Variants in P2RX5 observed in about 807,000 individuals in gnomAD.
P2RX5 encodes the protein purinergic receptor P2X 5.
P2RX5 carries 46 observed loss-of-function variants against 54.1 expected under a neutral mutation model. The ratio of observed to expected loss-of-function variants is 0.85; its 90% CI spans 0.67 to 1.09. The LOEUF (loss-of-function observed/expected upper bound fraction) is 1.09. Ranked by LOEUF, P2RX5 falls within the 50% of genes least tolerant of loss-of-function variation. The pLI is 0.00. For missense variants in P2RX5, 566 were observed against 549.8 expected (o/e 1.03, Z -0.29); for synonymous variants, 226 against 226.4 (o/e 1.00, Z 0.02).
intron 9 of P2RX5, chr17:3,682,245 G>A (rs760820512): frequency 1.0e-5 from 5 of 492,810 alleles, no homozygotes; most frequent in East Asian, 7.6e-5. Context: ...CCATCCAATC[G>A]TTCCTTCAAC....
chr17:3,699,917 GGAAA>G (rs71362545), upstream of P2RX5, among the ~76,000 whole-genome samples: 959 of 75,304 alleles, frequency 0.013, 34 homozygotes, highest in African/African-American at 0.03. Context: ...AAGGAAGGAA[GGAAA>G]GAAAGAAAGA....
intron 11 of P2RX5, among the ~76,000 whole-genome samples, chr17:3,674,769 A>G (rs1231377781): frequency 1.3e-5 from 2 of 152,200 alleles, no homozygotes; most frequent in Non-Finnish European, 2.9e-5. Context: ...TTAGGCTGCT[A>G]TAACCTTTCA....
chr17:3,679,452 T>C (rs933804583), intron 11 of P2RX5, 138 bp downstream of exon 11: 2 of 749,448 alleles, frequency 2.7e-6, no homozygotes, highest in Admixed American at 2.3e-5. Context: ...CTCTCCCAGT[T>C]CCTAGATGTC....
chr17:3,679,964 C>T lies in P2RX5; in HGVS notation c.1065-180G>A, dbSNP rs186213309. 3.5e-3 allele frequency among the ~76,000 whole-genome samples: 511 copies of T among 147,998 alleles called. 5 individuals are homozygous for T. Among genetic ancestry groups the T allele is most frequent in the Non-Finnish European group, 7.3e-4 (49 of 67,222 alleles). On this transcript the variant is annotated intron_variant, in intron 10 of 11. Transcript: ENST00000225328. The stretch of plus-strand genomic sequence containing the variant: ...CCTCCACCCTGCATCCTCCACCCTG[C>T]TCTCTCCACCCTGAGTCCTCCACCC...
chr17:3,719,234 T>TAAAAAAAAAAAAA, the P2RX5 span, among the ~76,000 whole-genome samples: 7 of 34,786 alleles, frequency 2.0e-4, 1 homozygote, highest in African/African-American at 8.5e-4. Flanking sequence ...AGATTCTTCC[T>TAAAAAAAAAAAAA]CAAAAAAAAA....
chr17:3,720,298 AG>A, the P2RX5 span: 1 of 1,435,652 alleles, frequency 7.0e-7, no homozygotes, highest in Non-Finnish European at 9.8e-7. Flanking sequence ...GAAGCCAGCC[AG>A]GAATTACCTT....
At chr17:3,722,149 A>AGCGAGGGTGAC in the P2RX5 span, among the ~76,000 whole-genome samples, 1 of 150,736 alleles carries the variant, frequency 6.6e-6, no homozygotes, top group Non-Finnish European at 1.5e-5. Context: ...ATTGCACAAC[A>AGCGAGGGTGAC]AGAGCGAAAC....
chr17:3,717,111 T>A, the P2RX5 span: 3 of 292,020 alleles, frequency 1.0e-5, no homozygotes, highest in Non-Finnish European at 2.0e-5. Flanking sequence ...CGGAATCCGG[T>A]CTCAACACAG....
intron 1 of P2RX5, chr17:3,692,060 G>A (rs999839023): frequency 6.7e-5 from 33 of 493,056 alleles, no homozygotes; most frequent in African/African-American, 4.3e-4. Flanking sequence ...AGTGGCTCAC[G>A]CCTATAATCC....
At chr17:3,720,628 C>G in the P2RX5 span, 1 of 364,370 alleles carries the variant, frequency 2.7e-6, no homozygotes, top group Non-Finnish European at 5.0e-6. Flanking sequence ...TTCGCCCAGG[C>G]TGGAGTGAAG....
the P2RX5 span, among the ~76,000 whole-genome samples, chr17:3,716,414 C>T: frequency 6.6e-6 from 1 of 152,088 alleles, no homozygotes; most frequent in African/African-American, 2.4e-5. Context: ...CACAGGTAAC[C>T]GAACATAACA....
In P2RX5 at chr17:3,689,535, A is replaced by T; in HGVS notation, c.710T>A (p.Val237Glu). ...GAAGTCGCTCCCGGCCCAGCGGATC[A>T]CGGAGCCCAGTCGGAAGATGGGGCA... ...HYCPIFRLGSVIRWAGSDFQD... is the reference protein window; with the variant it reads ...HYCPIFRLGSEIRWAGSDFQD... The change falls in exon 7 of 12, where the codon GTG (valine) becomes GAG (glutamate). Residue 237 changes from valine to glutamate, a missense_variant. By Grantham distance (121) the Val-to-Glu change is moderately radical (BLOSUM62 -2). Coordinates refer to ENST00000225328, the MANE Select transcript of P2RX5 (RefSeq NM_002561.4). 6.2e-7 allele frequency: 1 copy of T among 1,614,178 alleles called. No homozygotes were observed. Among genetic ancestry groups the T allele is most frequent in the Non-Finnish European group, 8.5e-7 (1 of 1,180,034 alleles).
At chr17:3,689,971 C>T (rs1289225164) in intron 6 of P2RX5, 99 bp downstream of exon 6, 8 of 1,031,586 alleles carry the variant, frequency 7.8e-6, no homozygotes, top group South Asian at 1.3e-5. Context: ...TGCACACACG[C>T]GCGCACACAC....
chr17:3,702,676 G>A, the P2RX5 span, among the ~76,000 whole-genome samples: 2 of 152,186 alleles, frequency 1.3e-5, no homozygotes, highest in East Asian at 3.9e-4. Flanking sequence ...CAGAACATCA[G>A]AAGGAACAAA....
At chr17:3,683,517 G>A (rs2050343974) in intron 9 of P2RX5, among the ~76,000 whole-genome samples, 1 of 152,218 alleles carries the variant, frequency 6.6e-6, no homozygotes, top group Non-Finnish European at 1.5e-5. Context: ...GATCACCTGA[G>A]GTCAGGAGTT....
chr17:3,712,418 G>T, the P2RX5 span, among the ~76,000 whole-genome samples: 2 of 152,164 alleles, frequency 1.3e-5, no homozygotes, highest in African/African-American at 4.8e-5. Context: ...CTACCCAAAG[G>T]CAGAGCAGCC....
At chr17:3,710,483 A>G in the P2RX5 span, among the ~76,000 whole-genome samples, 2 of 151,848 alleles carry the variant, frequency 1.3e-5, no homozygotes, top group South Asian at 4.2e-4. Context: ...GATTCCATAT[A>G]CTGAATCTGT....
intron 1 of P2RX5, among the ~76,000 whole-genome samples, chr17:3,693,955 G>T (rs2143001812): frequency 6.6e-6 from 1 of 152,018 alleles, no homozygotes; most frequent in East Asian, 1.9e-4. Context: ...AGTAGAGACG[G>T]GGTTTTACCA....
chr17:3,689,694 G>T, intron 6 of P2RX5, 64 bp from the exon 7 acceptor site: 1 of 1,605,956 alleles, frequency 6.2e-7, no homozygotes, highest in African/African-American at 1.3e-5. Flanking sequence ...GCCTGGCCAG[G>T]AGTCACTCGG....
Sources: allele counts gnomAD v4.1 joint callset (sites outside exome capture counted in the v4.1 genomes callset), GRCh38; gene constraint gnomAD v4.1.1; transcripts MANE v1.5; gene names NCBI Gene and HGNC (gene_info 2026-07-23, HGNC 2026-07-21).